Variants in RLF observed in about 807,000 individuals in gnomAD.
The protein encoded by RLF is zinc finger protein Rlf.
A neutral mutation model predicts 162.9 loss-of-function variants in RLF; 7 were observed. The ratio of observed to expected loss-of-function variants is 0.04; its 90% CI spans 0.02 to 0.08. The LOEUF is 0.08. Ranked by LOEUF, RLF falls within the 10% of genes least tolerant of loss-of-function variation. RLF has a pLI of 1.00. For missense variants in RLF, 1,664 were observed against 2,244.7 expected, an observed-to-expected ratio of 0.74 and a Z score of 5.23; for synonymous variants, 782 against 791.5, an observed-to-expected ratio of 0.99 and a Z score of 0.20.
intron 6 of RLF, among the ~76,000 whole-genome samples, chr1:40,227,246 G>A (rs190783828): frequency 1.7e-4 from 26 of 152,264 alleles, no homozygotes; most frequent in East Asian, 1.9e-4. Context: ...GTTGAAATGA[G>A]CTAGGTAATG....
At chr1:40,211,235 G>A (rs1370058660) in intron 5 of RLF, among the ~76,000 whole-genome samples, 1 of 151,804 alleles carries the variant, frequency 6.6e-6, no homozygotes, top group Admixed American at 6.6e-5. Flanking sequence ...AATATCGGTT[G>A]GTCTAACCCT....
chr1:40,208,527 A>C (rs1570545891), intron 5 of RLF, among the ~76,000 whole-genome samples: 1 of 152,210 alleles, frequency 6.6e-6, no homozygotes, highest in Non-Finnish European at 1.5e-5. Flanking sequence ...AAAATCTATT[A>C]ATTTAGGCCA....
chr1:40,211,892 T>G (rs1570548121), intron 5 of RLF, among the ~76,000 whole-genome samples: 1 of 152,250 alleles, frequency 6.6e-6, no homozygotes, highest in Non-Finnish European at 1.5e-5. Flanking sequence ...CCTCCCAAAG[T>G]GCTGGGATTA....
At chr1:40,221,743 A>G (rs1344701832) in intron 5 of RLF, among the ~76,000 whole-genome samples, 1 of 151,916 alleles carries the variant, frequency 6.6e-6, no homozygotes, top group African/African-American at 2.4e-5. Context: ...TACTAAAAAT[A>G]TAAAAAATTA....
chr1:40,233,221 A>G (rs577947421), intron 7 of RLF, among the ~76,000 whole-genome samples: 2 of 152,248 alleles, frequency 1.3e-5, no homozygotes, highest in South Asian at 4.1e-4. Flanking sequence ...TTCAAAATTC[A>G]GCTCCACATT....
In RLF at chr1:40,183,029, G is replaced by A. The variant is rs375637407; in HGVS notation, c.238-6026G>A. Among the ~76,000 whole-genome samples the A allele has an allele frequency of 6.6e-5, 10 of 152,066 alleles. 1 individual carries two copies. In the South Asian group the frequency reaches 2.1e-3, roughly 32 times the overall value. On this transcript the variant is annotated intron_variant, in intron 1 of 7. Coordinates refer to ENST00000372771, the MANE Select transcript of RLF (RefSeq NM_012421.4). The stretch of plus-strand genomic sequence containing the variant: ...TCAAGAGGTGGTGCTTCCTCATGCT[G>A]ACATTTAAGTCTCTTCAGCATTTAC...
chr1:40,170,215 T>C (rs1642223122), intron 1 of RLF, among the ~76,000 whole-genome samples: 1 of 152,196 alleles, frequency 6.6e-6, no homozygotes, highest in Admixed American at 6.5e-5. Flanking sequence ...GTTTTAATTA[T>C]TTAGTTTTAG....
intron 5 of RLF, among the ~76,000 whole-genome samples, chr1:40,215,968 AAATC>A (rs1247913399): frequency 6.6e-6 from 1 of 152,110 alleles, no homozygotes; most frequent in Non-Finnish European, 1.5e-5. Flanking sequence ...AGAGAATAGA[AAATC>A]AATAAAGAAA....
chr1:40,162,087 A>G (rs1642095371), intron 1 of RLF, among the ~76,000 whole-genome samples: 1 of 151,922 alleles, frequency 6.6e-6, no homozygotes, highest in South Asian at 2.1e-4. Flanking sequence ...TGGAGTTAAC[A>G]TCTTCTGGGC....
intron 5 of RLF, among the ~76,000 whole-genome samples, chr1:40,220,031 G>A (rs1390520592): frequency 6.6e-6 from 1 of 152,246 alleles, no homozygotes; most frequent in South Asian, 2.1e-4. Flanking sequence ...CAGATCATGA[G>A]GTCAGGAGAT....
chr1:40,210,801 C>G (rs1642855397), intron 5 of RLF, among the ~76,000 whole-genome samples: 1 of 152,152 alleles, frequency 6.6e-6, no homozygotes, highest in African/African-American at 2.4e-5. Flanking sequence ...TAGTGGTGCT[C>G]TGCTGCTAAT....
intron 1 of RLF, among the ~76,000 whole-genome samples, chr1:40,182,399 A>C (rs1475824723): frequency 1.3e-5 from 2 of 152,112 alleles, no homozygotes; most frequent in African/African-American, 4.8e-5. Context: ...GCGCCACTGC[A>C]CTCCAGCCTG....
intron 1 of RLF, among the ~76,000 whole-genome samples, chr1:40,174,022 A>T (rs1199656519): frequency 6.6e-6 from 1 of 152,216 alleles, no homozygotes; most frequent in Non-Finnish European, 1.5e-5. Context: ...TGGAAGACTA[A>T]GTCATAGCTG....
chr1:40,192,261 A>G (rs1642569641), intron 3 of RLF, among the ~76,000 whole-genome samples: 1 of 152,176 alleles, frequency 6.6e-6, no homozygotes, highest in South Asian at 2.1e-4. Flanking sequence ...TTGTTCTGGC[A>G]TATGGCATCC....
At chr1:40,210,281 C>T (rs1486611695) in intron 5 of RLF, among the ~76,000 whole-genome samples, 2 of 152,108 alleles carry the variant, frequency 1.3e-5, no homozygotes, top group African/African-American at 4.8e-5. Flanking sequence ...ATGATTACTG[C>T]CCTAAATTCA....
At chr1:40,231,409 G>A in intron 6 of RLF, 108 bp from the exon 7 acceptor site, 1 of 890,276 alleles carries the variant, frequency 1.1e-6, no homozygotes, top group Non-Finnish European at 1.7e-6. Context: ...TCTAGTTTTT[G>A]TTTTCTCTAC....
intron 6 of RLF, among the ~76,000 whole-genome samples, chr1:40,224,139 T>C (rs1279872997): frequency 6.6e-6 from 1 of 152,172 alleles, no homozygotes; most frequent in Admixed American, 6.5e-5. Flanking sequence ...TCCAGAGCTG[T>C]TAGTGGCTCT....
chr1:40,168,127 A>G (rs143236266), intron 1 of RLF, among the ~76,000 whole-genome samples: 1,973 of 152,144 alleles, frequency 0.013, 43 homozygotes, highest in African/African-American at 0.045. Flanking sequence ...AGGCAGGAGG[A>G]TCACTTGCGC....
chr1:40,199,691 C>G (rs1316479053), intron 4 of RLF, among the ~76,000 whole-genome samples: 1 of 152,100 alleles, frequency 6.6e-6, no homozygotes, highest in Non-Finnish European at 1.5e-5. Context: ...AGGTAATATG[C>G]CTGTTATCAG....
Sources: gnomAD v4.1 joint callset for allele counts (sites outside exome capture counted in the v4.1 genomes callset) on GRCh38, gnomAD v4.1.1 for gene constraint, MANE v1.5 for transcripts, NCBI Gene and HGNC (gene_info 2026-07-23, HGNC 2026-07-21) for gene names.